GRXCR1: variants seen among roughly 807,000 people sequenced by gnomAD.
GRXCR1 encodes glutaredoxin and cysteine rich domain containing 1.
In GRXCR1, 27 loss-of-function variants were observed where a neutral mutation model predicts 27.3. The observed-to-expected ratio is 0.99, with a 90% CI of 0.73 to 1.37. The LOEUF is 1.37. GRXCR1 is among the 40% of genes most tolerant of loss of function. The probability of loss-of-function intolerance (pLI) is 0.00; values close to 1 mark genes in which losing one functional copy is unlikely to be tolerated. For missense variants in GRXCR1, 379 were observed against 354.4 expected, an observed-to-expected ratio of 1.07 and a Z score of -0.56; for synonymous variants, 122 against 131.1, an observed-to-expected ratio of 0.93 and a Z score of 0.47.
rs543062579 is a variant in GRXCR1, at chr4:42,981,628, T to C, written c.627+18494T>C. Reference sequence around the variant, plus strand: ...TCTTGTAAGACAGATCTGGTGGTGATGAACTTTCTCAGCTTTTGTGCATCT... The same window carrying C: ...TCTTGTAAGACAGATCTGGTGGTGACGAACTTTCTCAGCTTTTGTGCATCT... On this transcript the variant is annotated intron_variant, in intron 2 of 3. Coordinates refer to ENST00000399770, the MANE Select transcript of GRXCR1 (RefSeq NM_001080476.3). 7.9e-5 allele frequency among the ~76,000 whole-genome samples: 12 copies of C among 152,342 alleles called. No homozygotes were observed. In the South Asian group the frequency reaches 2.5e-3, roughly 32 times the overall value.
rs7661949 is a variant in GRXCR1, at chr4:43,019,018, A to G, written c.628-1336A>G. ...TTTGACATTTTTTATGGTGATTATG[A>G]TGACATAGGTTATACAAGATAGACT... On this transcript the variant is annotated intron_variant, in intron 2 of 3. Coordinates refer to ENST00000399770, the MANE Select transcript of GRXCR1 (RefSeq NM_001080476.3). Among the ~76,000 whole-genome samples, 751 of 152,258 alleles carry G rather than the reference A, an allele frequency of 4.9e-3. 10 individuals carry two copies. The highest frequency in any genetic ancestry group is 0.015 in the African/African-American group (640 of 41,548).
Position 42,893,210 on chromosome 4 carries a change from A to T in GRXCR1, c.-57A>T. ...GATATTGCTATCTGGCAAGTGGACT[A>T]GTGCAGTAACAACGGGTCCAGAATG... On this transcript the variant is annotated 5_prime_UTR_variant, in exon 1 of 4. Coordinates refer to ENST00000399770, the MANE Select transcript of GRXCR1 (RefSeq NM_001080476.3). The T allele has an allele frequency of 6.3e-7, 1 of 1,598,512 alleles. No homozygotes were observed. The highest frequency in any genetic ancestry group is 8.6e-7 in the Non-Finnish European group (1 of 1,167,230).
chr4:42,906,712 A>G (rs945236476), intron 1 of GRXCR1, among the ~76,000 whole-genome samples: 2 of 152,196 alleles, frequency 1.3e-5, no homozygotes, highest in Non-Finnish European at 2.9e-5. Context: ...CAATACAAGC[A>G]ACCCTTCATT....
intron 2 of GRXCR1, among the ~76,000 whole-genome samples, chr4:42,981,351 AT>A: frequency 6.6e-6 from 1 of 152,090 alleles, no homozygotes; most frequent in South Asian, 2.1e-4. Context: ...GCCCCCCCAT[AT>A]TTTGAATTTT....
At chr4:42,956,311 C>T (rs1333143749) in intron 1 of GRXCR1, among the ~76,000 whole-genome samples, 1 of 152,090 alleles carries the variant, frequency 6.6e-6, no homozygotes, top group Non-Finnish European at 1.5e-5. Flanking sequence ...CAGATGCTTC[C>T]ATCCTTCATA....
chr4:42,923,171 G>T (rs1388907399), intron 1 of GRXCR1, among the ~76,000 whole-genome samples: 1 of 152,086 alleles, frequency 6.6e-6, no homozygotes, highest in African/African-American at 2.4e-5. Flanking sequence ...GGGAGGAGTG[G>T]ATAAGAGATA....
intron 2 of GRXCR1, among the ~76,000 whole-genome samples, chr4:42,970,338 C>T (rs1748356483): frequency 6.6e-6 from 1 of 152,098 alleles, no homozygotes; most frequent in African/African-American, 2.4e-5. Context: ...TGAGGGGGCT[C>T]CAACCTCACA....
At chr4:42,957,376 G>A (rs10014465) in intron 1 of GRXCR1, among the ~76,000 whole-genome samples, 8,865 of 152,054 alleles carry the variant, frequency 0.058, 506 homozygotes, top group African/African-American at 0.15. Context: ...TATACACCTA[G>A]TGCTTAATAC....
At position 42,903,461 on chromosome 4, in the gene GRXCR1, A is replaced by G. The variant is rs894615444; in HGVS notation, c.384+9811A>G. ...CAAGTAGCTGGGACTACAGGCACCCACCACCACGCCAGGCTAATTTTTTGT... is the reference window on the plus strand; with the variant it reads ...CAAGTAGCTGGGACTACAGGCACCCGCCACCACGCCAGGCTAATTTTTTGT... On this transcript the variant is annotated intron_variant, in intron 1 of 3. Coordinates refer to ENST00000399770, the MANE Select transcript of GRXCR1 (RefSeq NM_001080476.3). 3.2e-4 allele frequency among the ~76,000 whole-genome samples: 46 copies of G among 145,532 alleles called. 4 individuals are homozygous for G. The highest frequency in any genetic ancestry group is 3.9e-4 in the Non-Finnish European group (26 of 66,802).
chr4:42,938,391 T>C (rs1410145357), intron 1 of GRXCR1, among the ~76,000 whole-genome samples: 1 of 152,008 alleles, frequency 6.6e-6, no homozygotes, highest in Non-Finnish European at 1.5e-5. Context: ...ACAACGAACA[T>C]GGGAGTGCAA....
At chr4:42,988,798 T>C (rs1464573856) in intron 2 of GRXCR1, among the ~76,000 whole-genome samples, 1 of 152,194 alleles carries the variant, frequency 6.6e-6, no homozygotes, top group African/African-American at 2.4e-5. Context: ...AGTGTATATA[T>C]GGAATGCCAG....
chr4:42,983,331 G>C (rs1231904753), intron 2 of GRXCR1, among the ~76,000 whole-genome samples: 1,563 of 145,454 alleles, frequency 0.011, 11 homozygotes, highest in African/African-American at 0.037. Context: ...CCCATTGCTT[G>C]TTTTTCTCAG....
At chr4:42,962,775 C>A in intron 1 of GRXCR1, 117 bp from the exon 2 acceptor site, 2 of 1,130,180 alleles carry the variant, frequency 1.8e-6, no homozygotes, top group East Asian at 4.7e-5. Flanking sequence ...TTTGAATTGA[C>A]AAATGTGTTC....
chr4:43,005,599 C>A (rs2109799346), intron 2 of GRXCR1, among the ~76,000 whole-genome samples: 1 of 152,250 alleles, frequency 6.6e-6, no homozygotes, highest in African/African-American at 2.4e-5. Context: ...GGCCAGATTG[C>A]AAACTATAAA....
chr4:42,958,193 C>T (rs934861033), intron 1 of GRXCR1, among the ~76,000 whole-genome samples: 2 of 152,030 alleles, frequency 1.3e-5, no homozygotes, highest in Admixed American at 1.3e-4. Flanking sequence ...TGCTTCTTAA[C>T]CCTTGCTATG....
At chr4:43,008,603 A>G (rs1037615605) in intron 2 of GRXCR1, among the ~76,000 whole-genome samples, 16 of 152,214 alleles carry the variant, frequency 1.1e-4, no homozygotes, top group South Asian at 6.2e-4. Flanking sequence ...AGCATTTACT[A>G]TGTTTTATAT....
At chr4:42,944,137 G>A (rs1344912927) in intron 1 of GRXCR1, among the ~76,000 whole-genome samples, 1 of 152,024 alleles carries the variant, frequency 6.6e-6, no homozygotes, top group Non-Finnish European at 1.5e-5. Flanking sequence ...ATATAAATTG[G>A]CCTATGATTG....
At chr4:42,928,679 A>C (rs938531192) in intron 1 of GRXCR1, among the ~76,000 whole-genome samples, 2 of 151,994 alleles carry the variant, frequency 1.3e-5, no homozygotes, top group Non-Finnish European at 2.9e-5. Context: ...AGAAGATAGG[A>C]GCAAGGGGAG....
At chr4:42,916,671 C>A (rs1746893705) in intron 1 of GRXCR1, among the ~76,000 whole-genome samples, 1 of 152,072 alleles carries the variant, frequency 6.6e-6, no homozygotes, top group Admixed American at 6.6e-5. Context: ...ATTAGTAATA[C>A]TAATTTTCAT....
Sources: allele counts gnomAD v4.1 joint callset (sites outside exome capture counted in the v4.1 genomes callset), GRCh38; gene constraint gnomAD v4.1.1; transcripts MANE v1.5; gene names NCBI Gene and HGNC (gene_info 2026-07-23, HGNC 2026-07-21).